ACO2: variants seen among roughly 807,000 people sequenced by gnomAD.
ACO2 encodes aconitase 2, also known as aconitate hydratase, mitochondrial.
Under a neutral mutation model 84.5 loss-of-function variants are expected in ACO2, and 31 were observed. The ratio of observed to expected loss-of-function variants is 0.37; its 90% CI spans 0.28 to 0.50. The LOEUF (loss-of-function observed/expected upper bound fraction) is 0.50, where lower values mean the gene tolerates loss of function less well. Among genes scored for constraint, ACO2 ranks in the 20% least tolerant of loss-of-function variants. The probability of loss-of-function intolerance (pLI) is 0.97; values close to 1 mark genes in which losing one functional copy is unlikely to be tolerated. For synonymous variants in ACO2, 414 were observed against 412.7 expected (o/e 1.00, Z -0.04); for missense variants, 685 against 1,029.3 (o/e 0.67, Z 4.58).
At chr22:41,483,622 A>G (rs1026541791) in intron 1 of ACO2, among the ~76,000 whole-genome samples, 1 of 151,760 alleles carries the variant, frequency 6.6e-6, no homozygotes, top group Non-Finnish European at 1.5e-5. Context: ...GCGCCACCGT[A>G]TTCCAGCATG....
chr22:41,475,003 T>C (rs2146077512), intron 1 of ACO2, among the ~76,000 whole-genome samples: 1 of 152,184 alleles, frequency 6.6e-6, no homozygotes, highest in South Asian at 2.1e-4. Flanking sequence ...GAAAGCCAGA[T>C]GACGTCAAGT....
intron 14 of ACO2, chr22:41,526,010 T>A: frequency 2.3e-6 from 1 of 427,392 alleles, no homozygotes; most frequent in Non-Finnish European, 4.2e-6. Flanking sequence ...GTCCCAACTT[T>A]GGGCGGCCTC....
At chr22:41,483,256 C>A (rs1011513603) in intron 1 of ACO2, among the ~76,000 whole-genome samples, 2 of 152,142 alleles carry the variant, frequency 1.3e-5, no homozygotes, top group East Asian at 1.9e-4. Context: ...GTTGGATGGC[C>A]TTATGGGTGA....
intron 1 of ACO2, among the ~76,000 whole-genome samples, chr22:41,475,459 G>C (rs9611598): frequency 2.0e-5 from 3 of 152,088 alleles, no homozygotes; most frequent in Non-Finnish European, 4.4e-5. Flanking sequence ...AGTGGGAAGA[G>C]AGTGTTGAGT....
At chr22:41,525,673 T>C in intron 14 of ACO2, 1 of 332,642 alleles carries the variant, frequency 3.0e-6, no homozygotes, top group Non-Finnish European at 5.6e-6. Context: ...TGTGTGTGAT[T>C]GCACAGCAGG....
intron 1 of ACO2, among the ~76,000 whole-genome samples, chr22:41,473,264 G>T (rs11912852): frequency 0.23 from 35,552 of 152,018 alleles, 4,559 homozygotes; most frequent in Non-Finnish European, 0.29. Context: ...CAGCACATTG[G>T]GAGGCCAAGG....
intron 6 of ACO2, chr22:41,516,269 T>A (rs2066475566): frequency 1.8e-6 from 1 of 553,138 alleles, no homozygotes. Flanking sequence ...GAGGCAGTGG[T>A]GGGAATGGGC....
intron 15 of ACO2, 161 bp from the exon 16 acceptor site, chr22:41,527,127 A>T: frequency 9.5e-7 from 1 of 1,050,068 alleles, no homozygotes; most frequent in Non-Finnish European, 1.4e-6. Flanking sequence ...CGCAGGCTTC[A>T]CTTGCCCTTA....
chr22:41,499,674 T>TG, intron 1 of ACO2, 52 bp from the exon 2 acceptor site: 1 of 1,585,662 alleles, frequency 6.3e-7, no homozygotes, highest in Non-Finnish European at 8.6e-7. Context: ...CCCTCGGGGA[T>TG]GGACTCTCCT....
intron 2 of ACO2, among the ~76,000 whole-genome samples, chr22:41,507,354 G>A (rs966090255): frequency 1.1e-4 from 17 of 152,226 alleles, no homozygotes; most frequent in East Asian, 5.8e-4. Context: ...GGGAAGTAGC[G>A]AAATCTAGCT....
At chr22:41,524,006 G>C in intron 12 of ACO2, 65 bp downstream of exon 12, 1 of 1,394,060 alleles carries the variant, frequency 7.2e-7, no homozygotes, top group Admixed American at 1.8e-5. Context: ...GGTCAGAGGA[G>C]GAGGCAGAAG....
At chr22:41,495,956 TAAAG>T (rs763940925) in intron 1 of ACO2, among the ~76,000 whole-genome samples, 29 of 151,968 alleles carry the variant, frequency 1.9e-4, no homozygotes, top group Non-Finnish European at 3.2e-4. Flanking sequence ...TTTGTAAAAA[TAAAG>T]AAACAGGTTG....
At chr22:41,475,160 T>G (rs1245369849) in intron 1 of ACO2, among the ~76,000 whole-genome samples, 2 of 150,074 alleles carry the variant, frequency 1.3e-5, no homozygotes, top group African/African-American at 4.9e-5. Context: ...AAAAAAAAAT[T>G]GTTTTTTCCT....
At chr22:41,479,525 G>A (rs758217981) in intron 1 of ACO2, among the ~76,000 whole-genome samples, 5 of 152,180 alleles carry the variant, frequency 3.3e-5, no homozygotes, top group African/African-American at 7.2e-5. Context: ...CAGCCAAACC[G>A]TTTCCCCAGA....
intron 15 of ACO2, chr22:41,527,018 C>T (rs897751797): frequency 1.8e-6 from 1 of 545,800 alleles, no homozygotes; most frequent in East Asian, 3.2e-5. Context: ...CCACACACAC[C>T]TGCCTCTGCC....
chr22:41,471,105 C>CTGTT (rs397774566), intron 1 of ACO2, among the ~76,000 whole-genome samples: 5 of 151,544 alleles, frequency 3.3e-5, no homozygotes, highest in African/African-American at 1.2e-4. Context: ...AATCCATTGT[C>CTGTT]CATTGGAGAT....
At position 41,527,198 on chromosome 22, in the gene ACO2, G is replaced by C. The variant is rs529991686; in HGVS notation, c.1954-90G>C. 12 of 1,594,386 alleles carry C rather than the reference G, an allele frequency of 7.5e-6. No homozygotes were observed. In the African/African-American group the frequency reaches 1.6e-4, roughly 21 times the overall value. On this transcript the variant is annotated intron_variant, in intron 15 of 17. Coordinates refer to ENST00000216254, the MANE Select transcript of ACO2 (RefSeq NM_001098.3). ...ACCGGGAGCCTCAGGATGCCCAGGC[G>C]CCAGGTGGGTGAGGCCAGGCAGGTA... is the stretch of plus-strand genomic sequence containing the variant.
At chr22:41,500,121 C>T (rs2066343457) in intron 2 of ACO2, among the ~76,000 whole-genome samples, 1 of 152,006 alleles carries the variant, frequency 6.6e-6, no homozygotes, top group Non-Finnish European at 1.5e-5. Context: ...CACTTTGGCA[C>T]TATAACCTGA....
At chr22:41,471,346 C>A (rs1164394175) in intron 1 of ACO2, among the ~76,000 whole-genome samples, 1 of 152,184 alleles carries the variant, frequency 6.6e-6, no homozygotes, top group East Asian at 1.9e-4. Context: ...CACACTGCCT[C>A]CCAATAACCA....
Sources: allele counts gnomAD v4.1 joint callset (sites outside exome capture counted in the v4.1 genomes callset), GRCh38; gene constraint gnomAD v4.1.1; transcripts MANE v1.5; gene names NCBI Gene and HGNC (gene_info 2026-07-23, HGNC 2026-07-21).